Variants in ADGRL2 observed in about 807,000 individuals in gnomAD.
ADGRL2 encodes adhesion G protein-coupled receptor L2.
ADGRL2 carries 44 observed loss-of-function variants against 157.4 expected under a neutral mutation model. The observed-to-expected ratio is 0.28, with a 90% confidence interval of 0.22 to 0.36. The LOEUF is 0.36. Among genes scored for constraint, ADGRL2 ranks in the 10% least tolerant of loss-of-function variants. The pLI, the probability that ADGRL2 is intolerant of heterozygous loss-of-function variation, is 1.00. For synonymous variants in ADGRL2, 585 were observed against 624.7 expected, an observed-to-expected ratio of 0.94 and a Z score of 0.95; for missense variants, 1,510 against 1,768.9, an observed-to-expected ratio of 0.85 and a Z score of 2.63.
chr1:81,600,070 C>T (rs1260031648), intron 3 of ADGRL2, among the ~76,000 whole-genome samples: 4 of 152,100 alleles, frequency 2.6e-5, no homozygotes, highest in African/African-American at 4.8e-5. Flanking sequence ...TACACTTGAG[C>T]GTTTATTTTT....
chr1:81,707,641 ATGT>A (rs5775629), intron 1 of ADGRL2, among the ~76,000 whole-genome samples: 61,903 of 151,412 alleles, frequency 0.41, 12,667 homozygotes, highest in Admixed American at 0.45. Flanking sequence ...GCTTGAATGT[ATGT>A]TATTGTTGTT....
At chr1:81,310,067 T>G (rs1281254997) in intron 1 of ADGRL2, among the ~76,000 whole-genome samples, 2 of 152,134 alleles carry the variant, frequency 1.3e-5, no homozygotes, top group Non-Finnish European at 2.9e-5. Flanking sequence ...TTCACTGCAC[T>G]GGATGCATCT....
chr1:81,817,675 TA>T (rs2090547433), intron 1 of ADGRL2, among the ~76,000 whole-genome samples: 1 of 152,100 alleles, frequency 6.6e-6, no homozygotes, highest in South Asian at 2.1e-4. Flanking sequence ...TAGGGTGTAA[TA>T]AAAATCATAA....
intron 2 of ADGRL2, among the ~76,000 whole-genome samples, chr1:81,527,666 C>T (rs909265012): frequency 6.6e-6 from 1 of 151,208 alleles, no homozygotes; most frequent in Non-Finnish European, 1.5e-5. Flanking sequence ...GAGCCAAGAT[C>T]GCGCCACTGC....
intron 2 of ADGRL2, among the ~76,000 whole-genome samples, chr1:81,453,200 A>G (rs1332222663): frequency 1.3e-5 from 2 of 152,244 alleles, no homozygotes; most frequent in African/African-American, 2.4e-5. Flanking sequence ...TAACTGCATA[A>G]CAACTCACAG....
chr1:81,878,939 G>T (rs951269462), intron 2 of ADGRL2, among the ~76,000 whole-genome samples: 14 of 152,104 alleles, frequency 9.2e-5, no homozygotes, highest in African/African-American at 2.7e-4. Context: ...GTTTTAAAAC[G>T]TGTATACATT....
chr1:81,773,610 C>A (rs2086461966), intron 2 of ADGRL2, among the ~76,000 whole-genome samples: 1 of 152,112 alleles, frequency 6.6e-6, no homozygotes, highest in South Asian at 2.1e-4. Context: ...GGAAGCCCTT[C>A]CTGGATATAA....
At chr1:81,383,953 CAA>C (rs577073531) in intron 1 of ADGRL2, among the ~76,000 whole-genome samples, 13 of 83,782 alleles carry the variant, frequency 1.6e-4, no homozygotes, top group Admixed American at 2.9e-4. Flanking sequence ...GACTCTGTCT[CAA>C]AAAAAAAAAA....
chr1:81,492,034 T>C (rs2078644027), intron 2 of ADGRL2, among the ~76,000 whole-genome samples: 1 of 152,196 alleles, frequency 6.6e-6, no homozygotes, highest in Non-Finnish European at 1.5e-5. Flanking sequence ...CTGGACTGCC[T>C]GTTTCTGGCA....
intron 1 of ADGRL2, among the ~76,000 whole-genome samples, chr1:81,710,629 A>ATT (rs2083896699): frequency 2.1e-5 from 3 of 144,040 alleles, no homozygotes; most frequent in South Asian, 2.2e-4. Flanking sequence ...AAAAAATTAA[A>ATT]AAAAAAAAAA....
chr1:81,654,767 A>C (rs1293740046), intron 3 of ADGRL2, among the ~76,000 whole-genome samples: 1 of 152,126 alleles, frequency 6.6e-6, no homozygotes, highest in Non-Finnish European at 1.5e-5. Context: ...GTCTAAATCT[A>C]TGAAGTAGAT....
At chr1:81,706,475 T>C (rs144690964) in intron 1 of ADGRL2, among the ~76,000 whole-genome samples, 1 of 152,164 alleles carries the variant, frequency 6.6e-6, no homozygotes, top group Admixed American at 6.5e-5. Flanking sequence ...GTGCCAGAGC[T>C]TGTCTTTCCA....
At chr1:81,361,387 C>T (rs536308577) in intron 1 of ADGRL2, among the ~76,000 whole-genome samples, 15 of 152,046 alleles carry the variant, frequency 9.9e-5, no homozygotes, top group Non-Finnish European at 1.6e-4. Flanking sequence ...AAAGATGGCA[C>T]TGCTTGCTCT....
chr1:81,615,688 TC>T (rs1408957248), intron 3 of ADGRL2, among the ~76,000 whole-genome samples: 1 of 152,144 alleles, frequency 6.6e-6, no homozygotes, highest in East Asian at 1.9e-4. Context: ...TTTCCATTCA[TC>T]CCTTCAAGGA....
intron 22 of ADGRL2, 33 bp from the exon 23 acceptor site, chr1:81,987,833 CTTG>C (rs1663634822): frequency 3.3e-6 from 1 of 304,724 alleles, no homozygotes. Context: ...TTTTCATTCT[CTTG>C]TTTTTTTTCA....
chr1:81,918,196 A>G (rs957652222), intron 3 of ADGRL2, among the ~76,000 whole-genome samples: 1 of 152,158 alleles, frequency 6.6e-6, no homozygotes, highest in Non-Finnish European at 1.5e-5. Context: ...TGGTGAAGAA[A>G]TGGCCTCTAG....
At chr1:81,797,449 C>T (rs572637038), upstream of ADGRL2, among the ~76,000 whole-genome samples, 59 of 152,260 alleles carry the variant, frequency 3.9e-4, no homozygotes, top group Non-Finnish European at 6.5e-4. Context: ...TTTTGGCCTA[C>T]TCTCAAGCCT....
chr1:81,369,329 A>G (rs1290768778), intron 1 of ADGRL2, among the ~76,000 whole-genome samples: 2 of 152,194 alleles, frequency 1.3e-5, no homozygotes, highest in East Asian at 3.9e-4. Flanking sequence ...GAAAAAATAC[A>G]GTCTATATAT....
At chr1:81,378,868 T>C (rs1383579238) in intron 1 of ADGRL2, among the ~76,000 whole-genome samples, 1 of 152,200 alleles carries the variant, frequency 6.6e-6, no homozygotes, top group African/African-American at 2.4e-5. Flanking sequence ...AATGACGCTA[T>C]AGATAGCATA....
Sources: allele counts gnomAD v4.1 joint callset (sites outside exome capture counted in the v4.1 genomes callset), GRCh38; gene constraint gnomAD v4.1.1; transcripts MANE v1.5; gene names NCBI Gene and HGNC (gene_info 2026-07-23, HGNC 2026-07-21).